LRRC7: variants seen among roughly 807,000 people sequenced by gnomAD.
LRRC7 encodes the protein leucine-rich repeat-containing protein 7.
In LRRC7, 23 loss-of-function variants were observed where a neutral mutation model predicts 175.7. The ratio of observed to expected loss-of-function variants is 0.13; its 90% confidence interval spans 0.09 to 0.19. The LOEUF (loss-of-function observed/expected upper bound fraction) is 0.19, where lower values mean the gene tolerates loss of function less well. LRRC7 is among the 10% of genes least tolerant of loss of function. The pLI, the probability that LRRC7 is intolerant of heterozygous loss-of-function variation, is 1.00. For synonymous variants in LRRC7, 685 were observed against 680.9 expected (o/e 1.01, Z -0.09); for missense variants, 1,354 against 1,904.7 (o/e 0.71, Z 5.38).
At chr1:70,083,679 A>C (rs1478884249) in intron 24 of LRRC7, among the ~76,000 whole-genome samples, 1 of 152,192 alleles carries the variant, frequency 6.6e-6, no homozygotes, top group African/African-American at 2.4e-5. Flanking sequence ...TAAACTTAGC[A>C]TGGTTTTAGA....
At chr1:69,991,248 C>G (rs1654410227) in intron 10 of LRRC7, among the ~76,000 whole-genome samples, 1 of 151,304 alleles carries the variant, frequency 6.6e-6, no homozygotes, top group Admixed American at 6.6e-5. Flanking sequence ...AAGAAAGAAA[C>G]TAGGAAATTA....
chr1:69,568,800 G>A (rs1645608433), intron 1 of LRRC7, among the ~76,000 whole-genome samples, 159 bp downstream of exon 1: 1 of 152,176 alleles, frequency 6.6e-6, no homozygotes. Flanking sequence ...TGCGGTGGCC[G>A]AGGGAGGCGG....
At chr1:69,618,210 T>C (rs2100298075) in intron 1 of LRRC7, among the ~76,000 whole-genome samples, 2 of 152,264 alleles carry the variant, frequency 1.3e-5, no homozygotes, top group African/African-American at 4.8e-5. Context: ...CCAGATCTGA[T>C]CGAAGCACTG....
intron 8 of LRRC7, among the ~76,000 whole-genome samples, chr1:69,954,164 A>G (rs1570788587): frequency 6.6e-6 from 1 of 152,126 alleles, no homozygotes; most frequent in East Asian, 1.9e-4. Context: ...AGCCTTGAAA[A>G]ATGAGTTGGA....
At chr1:69,718,101 AAG>A (rs6143269) in intron 2 of LRRC7, among the ~76,000 whole-genome samples, 7 of 103,690 alleles carry the variant, frequency 6.8e-5, no homozygotes, top group South Asian at 3.5e-4. Context: ...AAAGAGAAGA[AAG>A]AGAGAAAAAG....
At chr1:69,571,318 T>G (rs980386790) in intron 1 of LRRC7, among the ~76,000 whole-genome samples, 8 of 152,208 alleles carry the variant, frequency 5.3e-5, no homozygotes, top group African/African-American at 1.9e-4. Context: ...TAGGCTGTCA[T>G]TAACATTTTC....
intron 8 of LRRC7, among the ~76,000 whole-genome samples, chr1:69,964,118 T>C (rs1190592699): frequency 6.6e-6 from 1 of 152,180 alleles, no homozygotes; most frequent in African/African-American, 2.4e-5. Flanking sequence ...AAGATCAGGC[T>C]CTTGCCCTCC....
chr1:69,881,194 G>C (rs12025637), intron 7 of LRRC7, among the ~76,000 whole-genome samples: 83,864 of 152,060 alleles, frequency 0.55, 23,223 homozygotes, highest in East Asian at 0.7. Flanking sequence ...AGTGCTTTGT[G>C]CAAAGTTAGA....
At chr1:69,799,016 A>G (rs1278603275) in intron 4 of LRRC7, among the ~76,000 whole-genome samples, 4 of 148,736 alleles carry the variant, frequency 2.7e-5, no homozygotes, top group Non-Finnish European at 4.5e-5. Flanking sequence ...CTTTCTTTAC[A>G]GTTGTCTCTT....
intron 3 of LRRC7, among the ~76,000 whole-genome samples, chr1:69,791,288 G>A (rs1246133012): frequency 1.3e-5 from 2 of 151,940 alleles, no homozygotes; most frequent in Non-Finnish European, 2.9e-5. Context: ...GATCACCGGT[G>A]TGCTTGTTAA....
intron 11 of LRRC7, among the ~76,000 whole-genome samples, chr1:69,999,930 T>C (rs541852527): frequency 1.3e-5 from 2 of 152,290 alleles, no homozygotes; most frequent in East Asian, 3.9e-4. Flanking sequence ...TGGCACACTG[T>C]GCTCTTCCTC....
chr1:69,969,163 A>G lies in LRRC7; in HGVS notation c.712-11216A>G, dbSNP rs1395798632. Among the ~76,000 whole-genome samples the G allele has an allele frequency of 2.6e-5, 4 of 152,276 alleles. No homozygotes were observed. The East Asian group carries it at 7.7e-4, about 29-fold the overall frequency. On this transcript the variant is annotated intron_variant, in intron 8 of 26. Coordinates refer to ENST00000651989, the MANE Select transcript of LRRC7 (RefSeq NM_001370785.2). The stretch of plus-strand genomic sequence containing the variant: ...ACAAATCTTGGAAACACATCAAAAC[A>G]GAACCTCTTTAAAGCATAAATCACA...
At chr1:69,957,812 A>T (rs536213432) in intron 8 of LRRC7, among the ~76,000 whole-genome samples, 2 of 151,976 alleles carry the variant, frequency 1.3e-5, no homozygotes, top group Non-Finnish European at 2.9e-5. Flanking sequence ...AAGAAATTTC[A>T]GGTTACTGGT....
intron 1 of LRRC7, among the ~76,000 whole-genome samples, chr1:69,620,118 T>C (rs1004122029): frequency 1.3e-5 from 2 of 152,210 alleles, no homozygotes; most frequent in Admixed American, 6.5e-5. Context: ...GAAGTAGATA[T>C]GATAAGCCAG....
chr1:69,875,501 C>A (rs890511085), intron 7 of LRRC7, among the ~76,000 whole-genome samples: 7 of 151,906 alleles, frequency 4.6e-5, no homozygotes, highest in African/African-American at 7.2e-5. Context: ...AAAATAAATA[C>A]AATTGAATAT....
chr1:69,658,254 T>G (rs1656940668), intron 1 of LRRC7, among the ~76,000 whole-genome samples: 1 of 151,958 alleles, frequency 6.6e-6, no homozygotes, highest in African/African-American at 2.4e-5. Flanking sequence ...TTTTAAATAA[T>G]TCATATTAGC....
rs182970511 is a variant in LRRC7 at position 69,737,703 on chromosome 1, T to C, written c.101-22488T>C. Among the ~76,000 whole-genome samples, 103 of 152,114 alleles carry C rather than the reference T, an allele frequency of 6.8e-4. 1 individual carries two copies. The highest frequency in any genetic ancestry group is 2.5e-3 in the Admixed American group (38 of 15,252). On this transcript the variant is annotated intron_variant, in intron 2 of 26. Coordinates refer to ENST00000651989, the MANE Select transcript of LRRC7 (RefSeq NM_001370785.2). ...CTATTGTATCTGGAAGGTCTTCCAGTGTTAGACACTTCCCAGAACTCTTGC... is the reference window on the plus strand; with the variant it reads ...CTATTGTATCTGGAAGGTCTTCCAGCGTTAGACACTTCCCAGAACTCTTGC...
At chr1:70,010,167 G>A (rs1656371696) in intron 11 of LRRC7, among the ~76,000 whole-genome samples, 1 of 152,058 alleles carries the variant, frequency 6.6e-6, no homozygotes, top group Non-Finnish European at 1.5e-5. Context: ...TACAAAGCTG[G>A]GACACAAATC....
intron 2 of LRRC7, among the ~76,000 whole-genome samples, chr1:69,730,160 C>T (rs1667411973): frequency 6.6e-6 from 1 of 152,194 alleles, no homozygotes; most frequent in Admixed American, 6.5e-5. Flanking sequence ...CCCTCCTAGG[C>T]CTTCAGGCCT....
Sources: allele counts gnomAD v4.1 joint callset (sites outside exome capture counted in the v4.1 genomes callset), GRCh38; gene constraint gnomAD v4.1.1; transcripts MANE v1.5; gene names NCBI Gene and HGNC (gene_info 2026-07-23, HGNC 2026-07-21).